JAG1: variants seen among roughly 807,000 people sequenced by gnomAD.
JAG1 encodes the protein protein jagged-1.
In JAG1, 23 loss-of-function variants were observed where a neutral mutation model predicts 148.7. The ratio of observed to expected loss-of-function variants is 0.15; its 90% CI spans 0.11 to 0.22. The LOEUF (loss-of-function observed/expected upper bound fraction) is 0.22. Among genes scored for constraint, JAG1 ranks in the 10% least tolerant of loss-of-function variants. JAG1 has a pLI of 1.00. For synonymous variants in JAG1, 572 were observed against 598.3 expected (o/e 0.96, Z 0.64); for missense variants, 1,054 against 1,611.2 (o/e 0.65, Z 5.92).
At chr20:10,661,609 G>C (rs984744605) in intron 3 of JAG1, among the ~76,000 whole-genome samples, 1 of 152,184 alleles carries the variant, frequency 6.6e-6, no homozygotes, top group African/African-American at 2.4e-5. Context: ...AGAGCCTTGT[G>C]GGCCACATGA....
chr20:10,645,202 T>A lies in JAG1; in HGVS notation c.2168A>T (p.Glu723Val). The A allele has an allele frequency of 6.2e-7, 1 of 1,613,994 alleles. No individual in the cohort carries two copies. Among genetic ancestry groups the A allele is most frequent in the Non-Finnish European group, 8.5e-7 (1 of 1,180,002 alleles). The change falls in exon 17 of 26, where the codon GAG (glutamate) becomes GTG (valine). Residue 723 changes from glutamate (E) to valine (V), a missense_variant. This residue lies in a region of JAG1 where 342 missense variants were observed against 514.6 expected (regional missense o/e 0.66). Transcript: ENST00000254958. This position sits in a 1 kb window ranked among gnomAD's most constrained non-coding sequence, Gnocchi z 6.1. ...ACACATGCACTTAAAAGCATCCCCCTCATCATAGCAGGTGCCACCGTTGTT... is the reference window on the plus strand; with the variant it reads ...ACACATGCACTTAAAAGCATCCCCCACATCATAGCAGGTGCCACCGTTGTT... ...TCNNGGTCYD[E>V]GDAFKCMCPG...
rs1600182785 is a variant in JAG1 at position 10,646,931 on chromosome 20, A to G, written c.1885+8T>C. On this transcript the variant is annotated splice_region_variant and intron_variant, in intron 14 of 25. Transcript: ENST00000254958. Reference sequence around the variant, plus strand: ...GCACTGGTCCATTCCCGGATGAGGGAGTCTTACTTTCATGGCAGTATGTTC... The same window carrying G: ...GCACTGGTCCATTCCCGGATGAGGGGGTCTTACTTTCATGGCAGTATGTTC... 1 of 1,613,560 alleles carries G rather than the reference A, an allele frequency of 6.2e-7. No individual in the cohort carries two copies. The highest frequency in any genetic ancestry group is 8.5e-7 in the Non-Finnish European group (1 of 1,179,766).
At chr20:10,655,567 A>G (rs1376718578) in intron 5 of JAG1, among the ~76,000 whole-genome samples, 3 of 152,272 alleles carry the variant, frequency 2.0e-5, no homozygotes, top group South Asian at 2.1e-4. Context: ...GGTTTAGACT[A>G]TGTTTCATAA....
chr20:10,650,366 C>A lies in JAG1; in HGVS notation c.1121-6G>T. The A allele has an allele frequency of 2.0e-6, 3 of 1,538,352 alleles. No individual in the cohort carries two copies. The South Asian group carries it at 3.4e-5, about 17-fold the overall frequency. ...AGGAGAACAGTCATCAATGTCTGGT[C>A]AACAAGAAAAGGAGGGGGTTGACAA... On this transcript the variant is annotated splice_region_variant and splice_polypyrimidine_tract_variant and intron_variant, in intron 8 of 25. Coordinates refer to ENST00000254958, the MANE Select transcript of JAG1 (RefSeq NM_000214.3).
intron 3 of JAG1, among the ~76,000 whole-genome samples, chr20:10,659,362 A>G (rs2067399172): frequency 6.6e-6 from 1 of 152,196 alleles, no homozygotes; most frequent in Admixed American, 6.5e-5. Context: ...TTTCTATTAC[A>G]TTGCCATACT....
rs376516309 is a variant in JAG1, at chr20:10,667,182, C to T, written c.388-3168G>A. Among the ~76,000 whole-genome samples the T allele has an allele frequency of 5.0e-4, 76 of 152,362 alleles. 1 individual carries two copies. The South Asian group carries it at 0.014, about 29-fold the overall frequency. ...GGACACAAATAAACCGCCATCCAAACGGCACGCGTGCGGCGTCCAAAACCC... is the reference window on the plus strand; with the variant it reads ...GGACACAAATAAACCGCCATCCAAATGGCACGCGTGCGGCGTCCAAAACCC... On this transcript the variant is annotated intron_variant, in intron 2 of 25. Coordinates refer to ENST00000254958, the MANE Select transcript of JAG1 (RefSeq NM_000214.3).
In JAG1 at chr20:10,646,989, T is replaced by G; in HGVS notation, c.1835A>C (p.Lys612Thr). ...HGKCKSQSGG[K>T]FTCDCNKGFT... ...GCCTTTGTTACAGTCACAGGTGAAT[T>G]TGCCTCCCGACTGACTCTTGCACTT... The change falls in exon 14 of 26, where the codon AAA becomes ACA. Residue 612 changes from lysine (K) to threonine (T), a missense_variant. Physicochemically the swap from Lys to Thr is moderately conservative, Grantham distance 78 (BLOSUM62 -1). Coordinates refer to ENST00000254958, the MANE Select transcript of JAG1 (RefSeq NM_000214.3). 6.2e-7 allele frequency: 1 copy of G among 1,614,166 alleles called. No individual in the cohort carries two copies.
chr20:10,645,559 C>G lies in JAG1; in HGVS notation c.2000-90G>C. ...CCAAGCCTTTCCTACTGCTTACATC[C>G]AACATCCTATTCTGAGAACAGCCAC... On this transcript the variant is annotated intron_variant, in intron 15 of 25. Transcript: ENST00000254958. This position sits in a 1 kb window ranked among gnomAD's most constrained non-coding sequence, Gnocchi z 6.1. 1.0e-6 allele frequency: 1 copy of G among 984,554 alleles called. No individual in the cohort carries two copies. The highest frequency in any genetic ancestry group is 1.6e-6 in the Non-Finnish European group (1 of 619,654). The allele number at this position is 984,554 out of a possible 1,614,324, so 61.0% of individuals were successfully genotyped here.
At chr20:10,648,808 G>T in intron 11 of JAG1, 86 bp from the exon 12 acceptor site, 1 of 1,356,992 alleles carries the variant, frequency 7.4e-7, no homozygotes, top group Non-Finnish European at 1.0e-6. Flanking sequence ...TAGCATGACT[G>T]TTGCGGTTTA....
chr20:10,654,639 G>A lies in JAG1; in HGVS notation c.755+1759C>T, dbSNP rs79782407. Among the ~76,000 whole-genome samples, 709 of 152,312 alleles carry A rather than the reference G, an allele frequency of 4.7e-3. 9 individuals carry two copies. Among genetic ancestry groups the A allele is most frequent in the African/African-American group, 0.016 (672 of 41,552 alleles). On this transcript the variant is annotated intron_variant, in intron 5 of 25. Coordinates refer to ENST00000254958, the MANE Select transcript of JAG1 (RefSeq NM_000214.3). ...AGGACACAACCTGAACTTCCTCAGC[G>A]TGAAGGTTCTGTTTTGACTTTCTTT...
rs760155789 is a variant in JAG1, at chr20:10,639,988, C to CAAGA, written c.3200-37_3200-34dup. 17 of 1,526,192 alleles carry CAAGA rather than the reference C, an allele frequency of 1.1e-5. No individual in the cohort carries two copies. In the East Asian group the frequency reaches 3.4e-4, roughly 30 times the overall value. The allele number at this position is 1,526,192 out of a possible 1,614,324, so 94.5% of individuals were successfully genotyped here. On this transcript the variant is annotated intron_variant, in intron 25 of 25. Transcript: ENST00000254958. ...GCAGGCACAAAACCAATTAACTCTC[C>CAAGA]AAGAAAGAAAGAAAAAAGCATCATC...
Position 10,673,594 on chromosome 20 carries a change from C to A in JAG1, c.-64G>T. 4.2e-6 allele frequency: 4 copies of A among 957,242 alleles called. No individual in the cohort carries two copies. The highest frequency in any genetic ancestry group is 5.4e-6 in the Non-Finnish European group (4 of 741,640). 59.3% of individuals were successfully genotyped at this position (957,242 alleles called of 1,614,324 possible). ...CTGCTGTTCGCGCTGGTGCTGCCGC[C>A]GGTGCTGCCGTCGCCGCTGCCCCTG... On this transcript the variant is annotated 5_prime_UTR_variant, in exon 1 of 26. Transcript: ENST00000254958. This position sits in a 1 kb window ranked among gnomAD's most constrained non-coding sequence, Gnocchi z 4.7.
chr20:10,652,337 G>C (rs2067352900), intron 6 of JAG1, 87 bp from the exon 7 acceptor site: 2 of 1,598,546 alleles, frequency 1.3e-6, no homozygotes, highest in Non-Finnish European at 1.7e-6. Flanking sequence ...CTTTTAAAAA[G>C]AAAAACCAGA....
chr20:10,667,129 C>T (rs892425845), intron 2 of JAG1, among the ~76,000 whole-genome samples: 16 of 152,252 alleles, frequency 1.1e-4, no homozygotes, highest in South Asian at 4.1e-4. Context: ...CCCTGAGAAG[C>T]GGCTGCCTCC....
In JAG1 at chr20:10,656,107, C is replaced by A. The variant is rs369476989; in HGVS notation, c.755+291G>T. 4.6e-5 allele frequency among the ~76,000 whole-genome samples: 7 copies of A among 152,288 alleles called. No individual in the cohort carries two copies. The South Asian group carries it at 1.4e-3, about 32-fold the overall frequency. On this transcript the variant is annotated intron_variant, in intron 5 of 25. Transcript: ENST00000254958. Reference sequence around the variant, plus strand: ...CACATCCCTCCATCTAGCCCATCAGCACTATAAGGGAAGATTATAAAAATG... The same window carrying A: ...CACATCCCTCCATCTAGCCCATCAGAACTATAAGGGAAGATTATAAAAATG...
intron 3 of JAG1, 131 bp from the exon 4 acceptor site, chr20:10,658,853 G>T (rs1393250465): frequency 2.0e-6 from 2 of 1,025,190 alleles, no homozygotes; most frequent in East Asian, 4.9e-5. Flanking sequence ...GCAAAGAAAT[G>T]AAAAGTTTAT....
At chr20:10,669,962 G>A (rs2067484777) in intron 2 of JAG1, among the ~76,000 whole-genome samples, 1 of 152,124 alleles carries the variant, frequency 6.6e-6, no homozygotes, top group Non-Finnish European at 1.5e-5. Context: ...AATCCAGATA[G>A]TTGCTGCAAG....
Position 10,639,325 on chromosome 20 carries a change from G to T in JAG1, c.*173C>A. The stretch of plus-strand genomic sequence containing the variant: ...TGCATAGCTGTGAGATGCGGCACTC[G>T]ATTTCCCAGCCAACCACAGAAACTA... On this transcript the variant is annotated 3_prime_UTR_variant, in exon 26 of 26. Coordinates refer to ENST00000254958, the MANE Select transcript of JAG1 (RefSeq NM_000214.3). 1.4e-6 allele frequency: 1 copy of T among 723,346 alleles called. No individual in the cohort carries two copies. The highest frequency in any genetic ancestry group is 2.6e-5 in the East Asian group (1 of 37,796). 44.8% of individuals were successfully genotyped at this position (723,346 alleles called of 1,614,324 possible).
rs777956760 is a variant in JAG1 at position 10,652,223 on chromosome 20, G to A, written c.914C>T (p.Pro305Leu). ...KDLNYCGTHQ[P>L]CLNGGTCSNT... is the part of the protein sequence containing the mutation. The stretch of plus-strand genomic sequence containing the variant: ...GCTACAAGTTCCCCCGTTGAGACAC[G>A]GCTGATGAGTCCCACAGTAATTGAG... The change falls in exon 7 of 26, where the codon CCG (proline) becomes CTG (leucine). Residue 305 changes from proline (P) to leucine (L), a missense_variant. Around this residue, in one of 6 missense-constraint regions of JAG1, gnomAD observed 104 missense variants for 235.2 expected, o/e 0.44. Coordinates refer to ENST00000254958, the MANE Select transcript of JAG1 (RefSeq NM_000214.3). 1.1e-5 allele frequency: 18 copies of A among 1,613,968 alleles called. No homozygotes were observed. Among genetic ancestry groups the A allele is most frequent in the Non-Finnish European group, 1.3e-5 (15 of 1,179,918 alleles).
Sources: gnomAD v4.1 joint callset for allele counts (sites outside exome capture counted in the v4.1 genomes callset) on GRCh38, gnomAD v4.1.1 for gene constraint, gnomAD v4.1.1 regional missense constraint, Gnocchi (gnomAD v3.1) non-coding constraint, MANE v1.5 for transcripts, NCBI Gene and HGNC (gene_info 2026-07-23, HGNC 2026-07-21) for gene names.